The following PLAC1 variants were observed in gnomAD, a reference collection of about 807,000 sequenced individuals.
PLAC1 encodes placenta associated 1.
For missense variants in PLAC1, 136 were observed against 163.2 expected (o/e 0.83, Z 0.91); for synonymous variants, 68 against 62.1 (o/e 1.09, Z -0.44).
intron 2 of PLAC1, among the ~76,000 whole-genome samples, chrX:134,671,590 GGAGA>G (rs567116941): frequency 2.8e-3 from 298 of 104,810 alleles, no homozygotes; most frequent in Middle Eastern, 9.8e-3. Flanking sequence ...TGGTAGAACA[GGAGA>G]GAGAGAGAGA....
intron 2 of PLAC1, among the ~76,000 whole-genome samples, chrX:134,688,959 T>C (rs2078527705): frequency 8.9e-6 from 1 of 112,103 alleles, no homozygotes. Flanking sequence ...TCTTCCTTTG[T>C]TTTTCATTTC....
At chrX:134,670,212 G>T (rs747466965) in intron 2 of PLAC1, among the ~76,000 whole-genome samples, 2 of 110,011 alleles carry the variant, frequency 1.8e-5, no homozygotes, top group Non-Finnish European at 3.8e-5. Flanking sequence ...CCCCTGGGTG[G>T]TCCCATGCCA....
At chrX:134,668,264 T>C (rs753908910) in intron 2 of PLAC1, among the ~76,000 whole-genome samples, 2 of 112,694 alleles carry the variant, frequency 1.8e-5, no homozygotes, top group Admixed American at 9.3e-5. Context: ...TTATATGAGA[T>C]ATCCAGAATA....
intron 2 of PLAC1, among the ~76,000 whole-genome samples, chrX:134,715,752 A>G (rs2078641670): frequency 8.9e-6 from 1 of 112,273 alleles, no homozygotes; most frequent in Non-Finnish European, 1.9e-5. Flanking sequence ...CTGTTGGCAG[A>G]TGTTTACCTG....
intron 2 of PLAC1, among the ~76,000 whole-genome samples, chrX:134,733,201 T>C (rs2078693910): frequency 9.1e-6 from 1 of 110,249 alleles, no homozygotes; most frequent in Non-Finnish European, 1.9e-5. Flanking sequence ...CAGCCCCAAG[T>C]GATATAGACC....
At chrX:134,586,649 AT>A (rs1273407340) in intron 2 of PLAC1, among the ~76,000 whole-genome samples, 13 of 90,192 alleles carry the variant, frequency 1.4e-4, no homozygotes, top group Non-Finnish European at 2.2e-4. Context: ...CCTCGCTAAC[AT>A]TTTTTTTTCT....
intron 2 of PLAC1, among the ~76,000 whole-genome samples, chrX:134,593,616 T>C (rs966143564): frequency 6.2e-5 from 7 of 112,267 alleles, no homozygotes; most frequent in Non-Finnish European, 1.3e-4. Context: ...ACAAGTCTTA[T>C]TCATGTTTTG....
At chrX:134,624,985 G>T (rs182912204) in intron 1 of PLAC1, among the ~76,000 whole-genome samples, 2 of 111,385 alleles carry the variant, frequency 1.8e-5, no homozygotes, top group African/African-American at 3.3e-5. Context: ...TGTCTCCTAG[G>T]TGCAACTACA....
chrX:134,670,095 G>A, intron 2 of PLAC1, among the ~76,000 whole-genome samples: 1 of 106,458 alleles, frequency 9.4e-6, no homozygotes, highest in South Asian at 4.4e-4. Context: ...TTGGCTGGGT[G>A]GCAGCTGAAA....
chrX:134,628,950 G>C (rs2078248060), intron 1 of PLAC1, among the ~76,000 whole-genome samples: 1 of 111,888 alleles, frequency 8.9e-6, no homozygotes, highest in Admixed American at 9.5e-5. Context: ...CCCCATACTG[G>C]GGCTGGGCTG....
chrX:134,659,078 T>C (rs1000996097), upstream of PLAC1, among the ~76,000 whole-genome samples: 1 of 109,694 alleles, frequency 9.1e-6, no homozygotes, highest in Non-Finnish European at 1.9e-5. Flanking sequence ...GTGGAAAGCA[T>C]CAGGAAAAAT....
intron 2 of PLAC1, among the ~76,000 whole-genome samples, chrX:134,724,830 C>T (rs965707552): frequency 9.0e-6 from 1 of 111,201 alleles, no homozygotes; most frequent in Non-Finnish European, 1.9e-5. Context: ...TGACGAAACC[C>T]CATCTCTACA....
intron 2 of PLAC1, chrX:134,601,451 C>G (rs2078088956): frequency 8.9e-6 from 1 of 111,955 alleles, no homozygotes; most frequent in Non-Finnish European, 1.9e-5. Context: ...AGAGTTGTAC[C>G]AATTTGCATT....
At chrX:134,669,591 A>G (rs1207001447) in intron 2 of PLAC1, among the ~76,000 whole-genome samples, 1 of 112,119 alleles carries the variant, frequency 8.9e-6, no homozygotes, top group African/African-American at 3.2e-5. Context: ...TTTCCAAATG[A>G]GGTGATCCCG....
chrX:134,670,943 G>A (rs750266422), intron 2 of PLAC1, among the ~76,000 whole-genome samples: 8 of 112,251 alleles, frequency 7.1e-5, no homozygotes, highest in African/African-American at 2.3e-4. Context: ...TCTGTAACAT[G>A]CTTGGGAGTT....
intron 2 of PLAC1, among the ~76,000 whole-genome samples, chrX:134,590,424 T>C (rs897227619): frequency 9.0e-6 from 1 of 110,782 alleles, no homozygotes; most frequent in African/African-American, 3.3e-5. Context: ...GAGTTTACAG[T>C]CCCAAATGGG....
intron 2 of PLAC1, among the ~76,000 whole-genome samples, chrX:134,583,291 T>C (rs1422221362): frequency 9.1e-6 from 1 of 109,741 alleles, no homozygotes. Flanking sequence ...AGGGTCTTGA[T>C]ATGTTGCCCA....
chrX:134,691,781 G>C (rs912665040), intron 2 of PLAC1, among the ~76,000 whole-genome samples: 2 of 111,454 alleles, frequency 1.8e-5, no homozygotes, highest in Non-Finnish European at 3.8e-5. Context: ...ATGAGACTCT[G>C]ATTGGTAGAG....
intron 1 of PLAC1, among the ~76,000 whole-genome samples, chrX:134,609,833 A>G (rs145078252): frequency 9.0e-6 from 1 of 111,700 alleles, no homozygotes; most frequent in East Asian, 2.8e-4. Flanking sequence ...TCATGACCTC[A>G]TCTAAATCTA....
Sources: allele counts gnomAD v4.1 joint callset (sites outside exome capture counted in the v4.1 genomes callset), GRCh38; gene constraint gnomAD v4.1.1; transcripts MANE v1.5; gene names NCBI Gene and HGNC (gene_info 2026-07-23, HGNC 2026-07-21).